Variants in SPIDR observed in about 807,000 individuals in gnomAD.
SPIDR encodes the protein DNA repair-scaffolding protein.
In SPIDR, 93 loss-of-function variants were observed where a neutral mutation model predicts 104.6. The observed-to-expected ratio is 0.89, with a 90% CI of 0.75 to 1.06. The LOEUF is 1.06. Ranked by LOEUF, SPIDR falls within the 50% of genes least tolerant of loss-of-function variation. The pLI is 0.00. For missense variants in SPIDR, 1,154 were observed against 1,111.2 expected, an observed-to-expected ratio of 1.04 and a Z score of -0.55; for synonymous variants, 431 against 416.9, an observed-to-expected ratio of 1.03 and a Z score of -0.41.
At chr8:47,371,280 C>T (rs1173701567) in intron 5 of SPIDR, among the ~76,000 whole-genome samples, 1 of 152,000 alleles carries the variant, frequency 6.6e-6, no homozygotes, top group Non-Finnish European at 1.5e-5. Flanking sequence ...ATTGAAAACC[C>T]TTATGTAGAT....
intron 10 of SPIDR, among the ~76,000 whole-genome samples, chr8:47,658,328 G>C (rs935114634): frequency 3.3e-5 from 5 of 151,206 alleles, no homozygotes; most frequent in African/African-American, 9.7e-5. Flanking sequence ...TGAGGTAGGA[G>C]AATCGCTTGA....
At chr8:47,283,465 T>G (rs1554560568) in intron 2 of SPIDR, among the ~76,000 whole-genome samples, 1 of 152,196 alleles carries the variant, frequency 6.6e-6, no homozygotes, top group African/African-American at 2.4e-5. Flanking sequence ...TGGTAAAGTT[T>G]GAAATCTTGG....
At chr8:47,601,000 C>T (rs542576632) in intron 10 of SPIDR, among the ~76,000 whole-genome samples, 2 of 152,174 alleles carry the variant, frequency 1.3e-5, no homozygotes, top group African/African-American at 2.4e-5. Context: ...ACTTGTTTTA[C>T]TTGTTTAGCA....
intron 8 of SPIDR, among the ~76,000 whole-genome samples, chr8:47,563,823 A>G (rs1185573910): frequency 1.3e-5 from 2 of 152,174 alleles, no homozygotes; most frequent in Admixed American, 6.5e-5. Flanking sequence ...TCTGTGTGGG[A>G]TTAATACCTA....
chr8:47,686,510 C>G (rs1318887534), intron 11 of SPIDR, among the ~76,000 whole-genome samples: 1 of 152,110 alleles, frequency 6.6e-6, no homozygotes, highest in Admixed American at 6.6e-5. Flanking sequence ...TAGAGTCACT[C>G]TATTTTTTCA....
chr8:47,658,544 C>CTGTTGTTGTTGTTGTTGTTGTTGTTGT (rs10584346), intron 10 of SPIDR, among the ~76,000 whole-genome samples: 1 of 148,462 alleles, frequency 6.7e-6, no homozygotes, highest in Non-Finnish European at 1.5e-5. Context: ...GGTTTTGTTA[C>CTGTTGTTGTTGTTGTTGTTGTTGTTGT]TGTTGTTGTT....
intron 6 of SPIDR, among the ~76,000 whole-genome samples, chr8:47,405,078 A>T (rs2154320019): frequency 6.6e-6 from 1 of 152,236 alleles, no homozygotes; most frequent in African/African-American, 2.4e-5. Context: ...GCTGGAAACC[A>T]TCATTCTGAG....
intron 10 of SPIDR, among the ~76,000 whole-genome samples, chr8:47,662,869 C>T (rs1302469418): frequency 2.6e-5 from 4 of 152,178 alleles, no homozygotes; most frequent in Admixed American, 1.3e-4. Context: ...TAGGAGGTTG[C>T]TTTGAAAAGA....
chr8:47,620,612 T>G (rs1173694821), intron 10 of SPIDR, among the ~76,000 whole-genome samples: 2 of 148,316 alleles, frequency 1.3e-5, no homozygotes, highest in Non-Finnish European at 3.0e-5. Context: ...TCGGTTTTGT[T>G]TTTTTGTTTC....
At chr8:47,422,286 A>G (rs1441952728) in intron 7 of SPIDR, among the ~76,000 whole-genome samples, 1 of 151,782 alleles carries the variant, frequency 6.6e-6, no homozygotes, top group Non-Finnish European at 1.5e-5. Flanking sequence ...TGCTTTGTTT[A>G]CCTACTCAAG....
intron 16 of SPIDR, among the ~76,000 whole-genome samples, chr8:47,713,878 G>A (rs2082207139): frequency 6.6e-6 from 1 of 152,176 alleles, no homozygotes; most frequent in South Asian, 2.1e-4. Flanking sequence ...TCTAGCCGCT[G>A]ATAACCTGGG....
At chr8:47,727,139 G>A in intron 16 of SPIDR, 61 bp from the exon 17 acceptor site, 1 of 1,457,710 alleles carries the variant, frequency 6.9e-7, no homozygotes, top group South Asian at 1.2e-5. Context: ...ACGTGGAGGA[G>A]CAGAGGAGTC....
chr8:47,572,435 G>A (rs758527444), intron 8 of SPIDR, among the ~76,000 whole-genome samples: 12 of 152,010 alleles, frequency 7.9e-5, no homozygotes, highest in South Asian at 2.1e-4. Flanking sequence ...AGTTCGAGGC[G>A]GGTGGATCAC....
At chr8:47,668,715 A>G (rs1212298488) in intron 10 of SPIDR, among the ~76,000 whole-genome samples, 1 of 152,240 alleles carries the variant, frequency 6.6e-6, no homozygotes, top group Admixed American at 6.5e-5. Flanking sequence ...GGAATTATGA[A>G]ATGATTGCAT....
intron 8 of SPIDR, among the ~76,000 whole-genome samples, chr8:47,559,658 C>A (rs1364423563): frequency 6.6e-6 from 1 of 152,166 alleles, no homozygotes; most frequent in African/African-American, 2.4e-5. Flanking sequence ...CCAGAAGTGT[C>A]CCCTATGCCT....
At chr8:47,501,365 T>C (rs1564155539) in intron 8 of SPIDR, among the ~76,000 whole-genome samples, 1 of 152,122 alleles carries the variant, frequency 6.6e-6, no homozygotes. Flanking sequence ...TCACATCCCT[T>C]GTAAGTTGGA....
intron 10 of SPIDR, among the ~76,000 whole-genome samples, chr8:47,602,982 G>A (rs551780694): frequency 3.9e-4 from 60 of 152,222 alleles, no homozygotes; most frequent in African/African-American, 1.3e-3. Context: ...AGTAACCAAC[G>A]CAAACTTAAG....
chr8:47,582,693 T>C (rs2059827300), intron 8 of SPIDR, among the ~76,000 whole-genome samples: 1 of 152,086 alleles, frequency 6.6e-6, no homozygotes, highest in South Asian at 2.1e-4. Context: ...CATACAATAT[T>C]CTCTATTTTT....
intron 8 of SPIDR, among the ~76,000 whole-genome samples, chr8:47,475,380 C>T (rs1036803269): frequency 2.6e-4 from 40 of 152,212 alleles, no homozygotes; most frequent in African/African-American, 9.4e-4. Flanking sequence ...CTCATACTTA[C>T]TTTATTTTTA....
Sources: gnomAD v4.1 joint callset for allele counts (sites outside exome capture counted in the v4.1 genomes callset) on GRCh38, gnomAD v4.1.1 for gene constraint, MANE v1.5 for transcripts, NCBI Gene and HGNC (gene_info 2026-07-23, HGNC 2026-07-21) for gene names.